Variants in PPM1E observed in about 807,000 individuals in gnomAD.
PPM1E encodes the protein protein phosphatase, Mg2+/Mn2+ dependent 1E.
In PPM1E, 20 loss-of-function variants were observed where a neutral mutation model predicts 65.9. The ratio of observed to expected loss-of-function variants is 0.30; its 90% CI spans 0.21 to 0.44. The LOEUF is 0.44. Among genes scored for constraint, PPM1E ranks in the 20% least tolerant of loss-of-function variants. The probability of loss-of-function intolerance (pLI) is 1.00; values close to 1 mark genes in which losing one functional copy is unlikely to be tolerated. For missense variants in PPM1E, 713 were observed against 953.1 expected, an observed-to-expected ratio of 0.75 and a Z score of 3.32; for synonymous variants, 352 against 374.9, an observed-to-expected ratio of 0.94 and a Z score of 0.70.
At chr17:58,792,715 T>G (rs4793958) in intron 1 of PPM1E, among the ~76,000 whole-genome samples, 145,533 of 145,692 alleles carry the variant, frequency 1, 72,688 homozygotes, top group Middle Eastern at 1. Flanking sequence ...TTGGAACAGT[T>G]ATTATTTTAT....
intron 1 of PPM1E, among the ~76,000 whole-genome samples, chr17:58,870,639 G>A (rs1175557555): frequency 6.6e-6 from 1 of 152,148 alleles, no homozygotes; most frequent in African/African-American, 2.4e-5. Flanking sequence ...TTTAAAAATT[G>A]AGTATGCAGA....
intron 1 of PPM1E, among the ~76,000 whole-genome samples, chr17:58,872,529 AAAT>A (rs1790825137): frequency 6.6e-6 from 1 of 152,212 alleles, no homozygotes; most frequent in African/African-American, 2.4e-5. Flanking sequence ...TGTCAACCTT[AAAT>A]AATGAGATTC....
At chr17:58,867,126 A>T (rs976080462) in intron 1 of PPM1E, among the ~76,000 whole-genome samples, 4 of 152,146 alleles carry the variant, frequency 2.6e-5, no homozygotes, top group African/African-American at 4.8e-5. Flanking sequence ...GATTACAGGC[A>T]TGTGCCGCCA....
chr17:58,871,977 A>C (rs983538732), intron 1 of PPM1E, among the ~76,000 whole-genome samples: 2 of 152,186 alleles, frequency 1.3e-5, no homozygotes, highest in African/African-American at 4.8e-5. Context: ...CCCTGACCAA[A>C]GTTTCAAATG....
chr17:58,870,015 A>ATGCC (rs1193159081), intron 1 of PPM1E, among the ~76,000 whole-genome samples: 1 of 152,226 alleles, frequency 6.6e-6, no homozygotes, highest in Admixed American at 6.5e-5. Flanking sequence ...TTATTTAATT[A>ATGCC]TGCCTTTAAG....
intron 1 of PPM1E, among the ~76,000 whole-genome samples, chr17:58,912,084 T>G (rs994482274): frequency 1.3e-5 from 2 of 152,180 alleles, no homozygotes; most frequent in Non-Finnish European, 2.9e-5. Flanking sequence ...TGACCCTGGT[T>G]GGCTAAGACT....
chr17:58,840,152 T>C (rs1410165686), intron 1 of PPM1E, among the ~76,000 whole-genome samples: 3 of 152,222 alleles, frequency 2.0e-5, no homozygotes, highest in Non-Finnish European at 4.4e-5. Flanking sequence ...GCTGGACTAA[T>C]GGACAGTGGT....
rs1221284747 is a variant in PPM1E at position 58,876,701 on chromosome 17, AAAG to A, written c.465-78943_465-78941del. On this transcript the variant is annotated intron_variant, in intron 1 of 6. Transcript: ENST00000308249. ...ACATTATAATATTGGGAAAGTAGCT[AAAG>A]AAGACCTTGGAAAATTATTATTAGA... 5.6e-4 allele frequency among the ~76,000 whole-genome samples: 86 copies of A among 152,356 alleles called. 1 individual carries two copies. Among genetic ancestry groups the A allele is most frequent in the East Asian group, 2.9e-3 (15 of 5,192 alleles).
At chr17:58,781,303 G>C (rs1049491080) in intron 1 of PPM1E, among the ~76,000 whole-genome samples, 1 of 151,846 alleles carries the variant, frequency 6.6e-6, no homozygotes, top group African/African-American at 2.4e-5. Flanking sequence ...ACCACACCAG[G>C]CTAATTTTTG....
At chr17:58,894,451 T>G (rs2051387078) in intron 1 of PPM1E, among the ~76,000 whole-genome samples, 1 of 152,206 alleles carries the variant, frequency 6.6e-6, no homozygotes, top group Admixed American at 6.5e-5. Context: ...ATGCCATGAC[T>G]GCTAGTATAG....
rs550309120 is a variant in PPM1E, at chr17:58,909,001, CATT to C, written c.465-46642_465-46640del. On this transcript the variant is annotated intron_variant, in intron 1 of 6. Transcript: ENST00000308249. ...TATGCATAATCAAATGTATTGTTGCCATTATTATGAACAATCTGTTAGGTCAAT... is the reference window on the plus strand; with the variant it reads ...TATGCATAATCAAATGTATTGTTGCCATTATGAACAATCTGTTAGGTCAAT... 2.9e-3 allele frequency among the ~76,000 whole-genome samples: 438 copies of C among 152,110 alleles called. 1 individual carries two copies. Among genetic ancestry groups the C allele is most frequent in the African/African-American group, 0.01 (423 of 41,500 alleles).
At chr17:58,792,939 A>T (rs900344711) in intron 1 of PPM1E, among the ~76,000 whole-genome samples, 5 of 151,396 alleles carry the variant, frequency 3.3e-5, no homozygotes, top group African/African-American at 9.7e-5. Context: ...TTTTTAGTAG[A>T]GACAGGGTTT....
Position 58,805,972 on chromosome 17 carries a change from AACAAAAAAAAAACAAAACAAAAC to A in PPM1E, c.464+49513_464+49535del, listed in dbSNP as rs1256472810. ...GCTAAAAAAAAAAACAAAAAAAAAA[AACAAAAAAAAAACAAAACAAAAC>A]AAAACAAAAAAAAAACTATATGTAG... is the stretch of plus-strand genomic sequence containing the variant. On this transcript the variant is annotated intron_variant, in intron 1 of 6. Transcript: ENST00000308249. 6.6e-4 allele frequency among the ~76,000 whole-genome samples: 81 copies of A among 121,978 alleles called. 2 individuals carry two copies. The highest frequency in any genetic ancestry group is 2.4e-3 in the South Asian group (9 of 3,732). The allele number at this position is 121,978 out of a possible 152,430, so 80.0% of individuals were successfully genotyped here. A position where few individuals can be genotyped will look rare whatever the true frequency, so the allele number is the denominator to read the frequency against.
At chr17:58,891,735 T>C (rs982996220) in intron 1 of PPM1E, among the ~76,000 whole-genome samples, 63 of 152,132 alleles carry the variant, frequency 4.1e-4, no homozygotes, top group African/African-American at 1.4e-3. Flanking sequence ...TTTTTGTTGG[T>C]TCTTTTTCCT....
chr17:58,833,122 A>T (rs1435170411), intron 1 of PPM1E, among the ~76,000 whole-genome samples: 1 of 152,010 alleles, frequency 6.6e-6, no homozygotes, highest in African/African-American at 2.4e-5. Context: ...CCTTAAAAAA[A>T]AATGTTTGGG....
In PPM1E at chr17:58,756,319, G is replaced by T; in HGVS notation, c.322G>T (p.Ala108Ser). 1 of 1,477,190 alleles carries T rather than the reference G, an allele frequency of 6.8e-7. No homozygotes were observed. The highest frequency in any genetic ancestry group is 9.0e-7 in the Non-Finnish European group (1 of 1,117,098). The allele number at this position is 1,477,190 out of a possible 1,614,324, so 91.5% of individuals were successfully genotyped here. ...GGAGGGCGCGGCGACGGCGGCGGCA[G>T]CCCCGGGGCACTCGGCCGTGCCGCC... The part of the protein sequence containing the change: ...EEEGAATAAA[A>S]PGHSAVPPPP... The change falls in exon 1 of 7, where the codon GCC becomes TCC. Residue 108 changes from alanine (A) to serine (S), a missense_variant. Around this residue, in one of 6 missense-constraint regions of PPM1E, gnomAD observed 212 missense variants for 204.0 expected, o/e 1.04. Transcript: ENST00000308249.
At chr17:58,936,865 T>C (rs891878129) in intron 1 of PPM1E, among the ~76,000 whole-genome samples, 1 of 152,234 alleles carries the variant, frequency 6.6e-6, no homozygotes, top group Non-Finnish European at 1.5e-5. Context: ...GTTCCTGCTT[T>C]ATAACAAGAT....
intron 1 of PPM1E, among the ~76,000 whole-genome samples, chr17:58,871,555 C>A (rs1165005594): frequency 1.3e-5 from 2 of 152,052 alleles, no homozygotes; most frequent in Non-Finnish European, 2.9e-5. Context: ...TGGCTCACAC[C>A]TGTAATCTCA....
chr17:58,808,512 A>G (rs1461521489), intron 1 of PPM1E, among the ~76,000 whole-genome samples: 2 of 151,932 alleles, frequency 1.3e-5, no homozygotes, highest in Middle Eastern at 3.4e-3. Flanking sequence ...ATTTCTTCCT[A>G]TGTATTTATG....
Sources: gnomAD v4.1 joint callset for allele counts (sites outside exome capture counted in the v4.1 genomes callset) on GRCh38, gnomAD v4.1.1 for gene constraint, gnomAD v4.1.1 regional missense constraint, MANE v1.5 for transcripts, NCBI Gene and HGNC (gene_info 2026-07-23, HGNC 2026-07-21) for gene names.